Variants in NRDE2 observed in about 807,000 individuals in gnomAD.
The protein encoded by NRDE2 is NRDE-2, necessary for RNA interference, domain containing, also known as nuclear exosome regulator NRDE2.
NRDE2 carries 76 observed loss-of-function variants against 124.2 expected under a neutral mutation model. That is an observed-to-expected ratio of 0.61 (90% CI 0.51 to 0.74). The LOEUF (loss-of-function observed/expected upper bound fraction) is 0.74, where lower values mean the gene tolerates loss of function less well. NRDE2 is among the 30% of genes least tolerant of loss of function. The probability of loss-of-function intolerance (pLI) is 0.00; values close to 1 mark genes in which losing one functional copy is unlikely to be tolerated. For synonymous variants in NRDE2, 489 were observed against 528.1 expected (o/e 0.93, Z 1.01); for missense variants, 1,314 against 1,417.3 (o/e 0.93, Z 1.17).
chr14:90,281,557 TG>T (rs1891954814), intron 12 of NRDE2: 1 of 152,218 alleles, frequency 6.6e-6, no homozygotes, highest in East Asian at 1.9e-4. Context: ...GAGTCCTCCG[TG>T]TAGAGAAGCT....
intron 11 of NRDE2, among the ~76,000 whole-genome samples, chr14:90,287,239 A>G (rs1407209027): frequency 6.6e-6 from 1 of 152,138 alleles, no homozygotes; most frequent in Non-Finnish European, 1.5e-5. Context: ...ATAAGGTCAG[A>G]GTGAAGCAAC....
rs1202992082 is a variant in NRDE2 at position 90,298,339 on chromosome 14, C to A, written c.1587G>T (p.Arg529=). ...AGCCTCGGGCTCCCTTCTCCCCAGC[C>A]CGGGGCTCTCCACTGTCCCAAAAGG... ...FEPFWDSGEP[R]AGEKGARGWK... Residue 529 remains arginine, a synonymous_variant, in exon 8 of 14, where the codon CGG becomes CGT. Coordinates refer to ENST00000354366, the MANE Select transcript of NRDE2 (RefSeq NM_017970.4). The A allele has an allele frequency of 6.2e-7, 1 of 1,613,798 alleles. No individual in the cohort carries two copies. The highest frequency in any genetic ancestry group is 8.5e-7 in the Non-Finnish European group (1 of 1,180,010).
intron 1 of NRDE2, among the ~76,000 whole-genome samples, chr14:90,323,156 T>C (rs1885302029): frequency 6.6e-6 from 1 of 152,190 alleles, no homozygotes; most frequent in Non-Finnish European, 1.5e-5. Context: ...TAGGCAGGTG[T>C]CTGGTAGAAA....
chr14:90,290,441 C>T lies in NRDE2; in HGVS notation c.2009G>A (p.Gly670Glu). The T allele has an allele frequency of 6.2e-7, 1 of 1,614,022 alleles. No individual in the cohort carries two copies. Among genetic ancestry groups the T allele is most frequent in the East Asian group, 2.2e-5 (1 of 44,876 alleles). ...AMDENSIFDN[G>E]LYDEKPLTFF... ...AGTCAAGGGCTTTTCATCATAAAGT[C>T]CATTATCAAAGATGCTGTTCTCATC... The change falls in exon 10 of 14, where the codon GGA (glycine) becomes GAA (glutamate). Residue 670 changes from glycine (G) to glutamate (E), a missense_variant. Gly to Glu is a moderately conservative substitution (Grantham distance 98, BLOSUM62 -2). Coordinates refer to ENST00000354366, the MANE Select transcript of NRDE2 (RefSeq NM_017970.4).
Position 90,304,390 on chromosome 14 carries a change from T to A in NRDE2, c.558-8A>T, listed in dbSNP as rs1465087441. 6.4e-6 allele frequency: 10 copies of A among 1,570,462 alleles called. No individual in the cohort carries two copies. The highest frequency in any genetic ancestry group is 5.9e-5 in the Admixed American group (3 of 51,254). ...TCTCCTTTCCTCTTGTATCTGATAT[T>A]AGAAAAAGAAAAAAAGTTACTGAGG... On this transcript the variant is annotated splice_polypyrimidine_tract_variant and splice_region_variant and intron_variant, in intron 4 of 13. Coordinates refer to ENST00000354366, the MANE Select transcript of NRDE2 (RefSeq NM_017970.4).
intron 12 of NRDE2, among the ~76,000 whole-genome samples, chr14:90,285,474 G>A (rs1206619976): frequency 2.6e-5 from 4 of 151,650 alleles, no homozygotes; most frequent in Non-Finnish European, 5.9e-5. Flanking sequence ...GCTAATTTTT[G>A]TATTTTTAGT....
chr14:90,330,206 CA>C (rs5810495), intron 1 of NRDE2, among the ~76,000 whole-genome samples: 11,916 of 132,144 alleles, frequency 0.09, 863 homozygotes, highest in East Asian at 0.45. Context: ...GACTTGGTCT[CA>C]AAAAAAAAAA....
rs1171365679 is a variant in NRDE2, at chr14:90,275,387, C to G, written c.*2949G>C. On this transcript the variant is annotated 3_prime_UTR_variant, in exon 14 of 14. Coordinates refer to ENST00000354366, the MANE Select transcript of NRDE2 (RefSeq NM_017970.4). ...AACAAAATTCTTTGTAACGCACTTGCATCTTTTCCTAAGTTTGAGATTAAA... is the reference window on the plus strand; with the variant it reads ...AACAAAATTCTTTGTAACGCACTTGGATCTTTTCCTAAGTTTGAGATTAAA... 1.3e-5 allele frequency: 2 copies of G among 152,126 alleles called. No homozygotes were observed. The highest frequency in any genetic ancestry group is 2.9e-5 in the Non-Finnish European group (2 of 68,030). The allele number at this position is 152,126 out of a possible 1,614,324, so 9.4% of individuals were successfully genotyped here.
At chr14:90,310,924 AAATAT>A (rs1243028854) in intron 4 of NRDE2, among the ~76,000 whole-genome samples, 2 of 152,342 alleles carry the variant, frequency 1.3e-5, no homozygotes, top group African/African-American at 4.8e-5. Flanking sequence ...AATACATTGA[AAATAT>A]AATAGTCATT....
chr14:90,320,284 T>C (rs1343355108), intron 1 of NRDE2, among the ~76,000 whole-genome samples: 4 of 152,274 alleles, frequency 2.6e-5, no homozygotes, highest in East Asian at 3.9e-4. Flanking sequence ...CTTACAATCA[T>C]GGTGGAAGGT....
chr14:90,313,119 A>ATTTT (rs1207268681), intron 3 of NRDE2, among the ~76,000 whole-genome samples: 39 of 102,262 alleles, frequency 3.8e-4, no homozygotes, highest in East Asian at 5.8e-4. Flanking sequence ...TCTCAGCCTC[A>ATTTT]TTTTTTTTTT....
chr14:90,270,656 T>G lies in NRDE2; in HGVS notation c.*7680A>C. 2 of 245,076 alleles carry G rather than the reference T, an allele frequency of 8.2e-6. No individual in the cohort carries two copies. Among genetic ancestry groups the G allele is most frequent in the Non-Finnish European group, 7.9e-6 (1 of 127,358 alleles). 15.2% of individuals were successfully genotyped at this position (245,076 alleles called of 1,614,324 possible). ...TCAAATGTAGCTGCTCAGTCCCAGG[T>G]CAGGGGAAGGGTATGTCCTGGGAGA... On this transcript the variant is annotated 3_prime_UTR_variant, in exon 14 of 14. Transcript: ENST00000354366.
Position 90,288,755 on chromosome 14 carries a change from CT to C in NRDE2, c.2619del (p.Ala874ArgfsTer30). On this transcript the variant is annotated frameshift_variant, in exon 11 of 14. Coordinates refer to ENST00000354366, the MANE Select transcript of NRDE2 (RefSeq NM_017970.4). LOFTEE classifies it high-confidence loss of function. ...TGQVLAVHIL[K>X]ARKAYEHALQ... is the part of the protein sequence containing the mutation. ...AGTGCGTGCTCATAAGCCTTTCGCGCTTTCAAAATGTGAACAGCCAACACCT... is the reference window on the plus strand; with the variant it reads ...AGTGCGTGCTCATAAGCCTTTCGCGCTTCAAAATGTGAACAGCCAACACCT... 6.2e-7 allele frequency: 1 copy of C among 1,614,112 alleles called. No homozygotes were observed. Among genetic ancestry groups the C allele is most frequent in the Non-Finnish European group, 8.5e-7 (1 of 1,179,986 alleles).
intron 12 of NRDE2, 132 bp downstream of exon 12, chr14:90,286,222 G>T: frequency 1.0e-6 from 1 of 998,592 alleles, no homozygotes; most frequent in Non-Finnish European, 1.4e-6. Context: ...CCAATGCCAA[G>T]AAGATGAGAG....
At chr14:90,322,026 T>G (rs1885264976) in intron 1 of NRDE2, among the ~76,000 whole-genome samples, 1 of 152,176 alleles carries the variant, frequency 6.6e-6, no homozygotes, top group Non-Finnish European at 1.5e-5. Flanking sequence ...CATCTGAACC[T>G]GAATCTGTGA....
Position 90,331,928 on chromosome 14 carries a change from T to C in NRDE2, c.-24A>G, listed in dbSNP as rs1193957154. ...ATGACCACAGGCCGTACCTCCGTTC[T>C]TCTCTATAGGGATGGCGCCGGCGAG... On this transcript the variant is annotated 5_prime_UTR_variant, in exon 1 of 14. Transcript: ENST00000354366. 1.2e-6 allele frequency: 2 copies of C among 1,613,940 alleles called. 1 individual carries two copies. The highest frequency in any genetic ancestry group is 2.2e-5 in the South Asian group (2 of 91,084).
chr14:90,303,845 AT>A (rs373696150), intron 5 of NRDE2, 89 bp downstream of exon 5: 4 of 1,187,366 alleles, frequency 3.4e-6, no homozygotes, highest in African/African-American at 3.1e-5. Flanking sequence ...AAATTTCCTC[AT>A]TTGCTCAAAA....
chr14:90,301,299 G>A lies in NRDE2; in HGVS notation c.1485C>T (p.Ala495=), dbSNP rs1192286042. The A allele has an allele frequency of 8.7e-6, 14 of 1,613,712 alleles. No homozygotes were observed. Among genetic ancestry groups the A allele is most frequent in the Non-Finnish European group, 1.2e-5 (14 of 1,179,802 alleles). ...GTTTGAAGAAGGTGAAGTCCACCAT[G>A]GCCTGGAACAATGAGATGGCCTTCT... The part of the protein sequence containing the change: ...HSEKAISLFQ[A]MVDFTFFKPD... Residue 495 remains alanine (A), a synonymous_variant, in exon 7 of 14, where the codon GCC becomes GCT. Transcript: ENST00000354366.
intron 1 of NRDE2, among the ~76,000 whole-genome samples, chr14:90,330,427 G>A (rs988208708): frequency 6.6e-6 from 1 of 152,096 alleles, no homozygotes; most frequent in Non-Finnish European, 1.5e-5. Flanking sequence ...GGCTAACTAT[G>A]CTACAATGAA....
Sources: allele counts gnomAD v4.1 joint callset (sites outside exome capture counted in the v4.1 genomes callset), GRCh38; gene constraint gnomAD v4.1.1; transcripts MANE v1.5; gene names NCBI Gene and HGNC (gene_info 2026-07-23, HGNC 2026-07-21).